The following SNW1 variants were observed in gnomAD, a reference collection of about 807,000 sequenced individuals.
The protein encoded by SNW1 is SNW domain-containing protein 1.
A neutral mutation model predicts 75.6 loss-of-function variants in SNW1; 9 were observed. The ratio of observed to expected loss-of-function variants is 0.12; its 90% CI spans 0.07 to 0.21. The LOEUF (loss-of-function observed/expected upper bound fraction) is 0.21, where lower values mean the gene tolerates loss of function less well. Ranked by LOEUF, SNW1 falls within the 10% of genes least tolerant of loss-of-function variation. SNW1 has a pLI of 1.00. For synonymous variants in SNW1, 200 were observed against 219.1 expected, an observed-to-expected ratio of 0.91 and a Z score of 0.77; for missense variants, 409 against 670.9, an observed-to-expected ratio of 0.61 and a Z score of 4.31.
chr14:77,755,049 G>C lies in SNW1; in HGVS notation c.86C>G (p.Ser29Ter). 1 of 1,612,698 alleles carries C rather than the reference G, an allele frequency of 6.2e-7. No individual in the cohort carries two copies. Among genetic ancestry groups the C allele is most frequent in the Non-Finnish European group, 8.5e-7 (1 of 1,179,732 alleles). Residue 29 changes from serine (S) to a stop codon, truncating the protein, a stop_gained, in exon 2 of 14, where the codon TCA (serine) becomes TGA (stop). Coordinates refer to ENST00000261531, the MANE Select transcript of SNW1 (RefSeq NM_012245.3). LOFTEE classifies it high-confidence loss of function. Reference protein sequence around the residue: ...EAEEKARSQRSRQTSLVSSRR... With the variant: ...EAEEKARSQR Reference sequence around the variant, plus strand: ...GGAGGAGACCAGTGAGGTCTGCCGTGATCTCTGGGATCTTGCCTTTTCTTC... The same window carrying C: ...GGAGGAGACCAGTGAGGTCTGCCGTCATCTCTGGGATCTTGCCTTTTCTTC...
rs2080805972 is a variant in SNW1, at chr14:77,751,370, T to C, written c.279A>G (p.Glu93=). 3.1e-6 allele frequency: 5 copies of C among 1,613,906 alleles called. No individual in the cohort carries two copies. The East Asian group carries it at 1.1e-4, about 36-fold the overall frequency. ...SNALAIQVDS[E]GKIKYDAIAR... is the part of the protein sequence containing the mutation. ...CAATTGCATCATATTTAATTTTTCC[T>C]TCAGAATCCACCTGAATGGCCAGCG... is the stretch of plus-strand genomic sequence containing the variant. The change falls in exon 3 of 14, where the codon GAA becomes GAG. Residue 93 remains glutamate, a synonymous_variant. Coordinates refer to ENST00000261531, the MANE Select transcript of SNW1 (RefSeq NM_012245.3).
At position 77,723,273 on chromosome 14, in the gene SNW1, A is replaced by T. The variant is rs1306002318; in HGVS notation, c.1038T>A (p.Asp346Glu). The change falls in exon 11 of 14, where the codon GAT (aspartate) becomes GAA (glutamate). Residue 346 changes from aspartate to glutamate, a missense_variant. Asp to Glu is a conservative substitution (Grantham distance 45). Transcript: ENST00000261531. ...TTTCATCCCTCTCACGTGCCTCCCC[A>T]TCCTCTGTGTGAACAGTTGAAAAGT... ...AGIKTHVEKE[D>E]GEARERDEIR... 6.2e-7 allele frequency: 1 copy of T among 1,612,774 alleles called. No homozygotes were observed. The highest frequency in any genetic ancestry group is 8.5e-7 in the Non-Finnish European group (1 of 1,179,088).
chr14:77,756,578 A>G (rs752472023), intron 1 of SNW1, among the ~76,000 whole-genome samples: 1 of 152,248 alleles, frequency 6.6e-6, no homozygotes, highest in Non-Finnish European at 1.5e-5. Context: ...GGTATCTACA[A>G]TGAAATTTAA....
intron 3 of SNW1, among the ~76,000 whole-genome samples, chr14:77,741,406 A>G (rs2080717991): frequency 6.6e-6 from 1 of 152,204 alleles, no homozygotes; most frequent in African/African-American, 2.4e-5. Flanking sequence ...TAGGCCGTAC[A>G]GAACTTTCTA....
chr14:77,738,491 G>A (rs1445795058), intron 5 of SNW1, among the ~76,000 whole-genome samples: 2 of 151,188 alleles, frequency 1.3e-5, no homozygotes, highest in African/African-American at 4.9e-5. Flanking sequence ...AAGGCAGGAG[G>A]ATCACCTGAG....
chr14:77,717,621 G>T lies in SNW1; in HGVS notation c.*467C>A. 6.6e-7 allele frequency: 1 copy of T among 1,508,936 alleles called. No individual in the cohort carries two copies. Among genetic ancestry groups the T allele is most frequent in the South Asian group, 1.1e-5 (1 of 87,244 alleles). 93.5% of individuals were successfully genotyped at this position (1,508,936 alleles called of 1,614,324 possible). On this transcript the variant is annotated 3_prime_UTR_variant, in exon 14 of 14. Coordinates refer to ENST00000261531, the MANE Select transcript of SNW1 (RefSeq NM_012245.3). The stretch of plus-strand genomic sequence containing the variant: ...GAATTTTGTCTAAATGTTTTTATTT[G>T]AAACAAATAGTTGCACCAAGCAAGA...
chr14:77,723,009 G>A (rs928529247), intron 11 of SNW1, 172 bp downstream of exon 11: 10 of 586,292 alleles, frequency 1.7e-5, no homozygotes, highest in East Asian at 3.1e-5. Context: ...GACCATGCCC[G>A]GCTAATTTTT....
At chr14:77,739,693 T>G (rs2080701762) in intron 3 of SNW1, among the ~76,000 whole-genome samples, 4 of 152,166 alleles carry the variant, frequency 2.6e-5, no homozygotes, top group Non-Finnish European at 1.5e-5. Flanking sequence ...GCCTGTTATA[T>G]GACTTCTACT....
At position 77,717,921 on chromosome 14, in the gene SNW1, C is replaced by A. The variant is rs938496497; in HGVS notation, c.*167G>T. On this transcript the variant is annotated 3_prime_UTR_variant, in exon 14 of 14. Coordinates refer to ENST00000261531, the MANE Select transcript of SNW1 (RefSeq NM_012245.3). The stretch of plus-strand genomic sequence containing the variant: ...ACTCTTTAAAAAAAACTAAATAATT[C>A]AAAGTAGAATTTTCTATCCCCCCCA... 2 of 617,982 alleles carry A rather than the reference C, an allele frequency of 3.2e-6. No homozygotes were observed. Among genetic ancestry groups the A allele is most frequent in the East Asian group, 2.8e-5 (1 of 36,050 alleles). The allele number at this position is 617,982 out of a possible 1,614,324, so 38.3% of individuals were successfully genotyped here.
At chr14:77,728,937 G>A (rs1346092908) in intron 10 of SNW1, among the ~76,000 whole-genome samples, 1 of 152,144 alleles carries the variant, frequency 6.6e-6, no homozygotes, top group Non-Finnish European at 1.5e-5. Context: ...TCTTGAGAAC[G>A]ATTCTGTTGT....
chr14:77,761,088 A>T (rs755351666), intron 1 of SNW1, 26 bp downstream of exon 1: 1 of 1,614,240 alleles, frequency 6.2e-7, no homozygotes, highest in Admixed American at 1.7e-5. Flanking sequence ...ACCCTTCCGT[A>T]TCGAGGACCC....
At chr14:77,754,859 C>T in intron 2 of SNW1, 108 bp downstream of exon 2, 1 of 989,924 alleles carries the variant, frequency 1.0e-6, no homozygotes, top group East Asian at 2.7e-5. Context: ...GAATTTCTAT[C>T]ACACTGACAT....
At chr14:77,739,144 C>A in intron 3 of SNW1, 83 bp from the exon 4 acceptor site, 1 of 901,726 alleles carries the variant, frequency 1.1e-6, no homozygotes, top group Non-Finnish European at 1.8e-6. Flanking sequence ...GTCAACATGC[C>A]CTCTCAGCAC....
intron 3 of SNW1, among the ~76,000 whole-genome samples, chr14:77,743,747 TG>T (rs1186319866): frequency 6.6e-6 from 1 of 152,060 alleles, no homozygotes; most frequent in Non-Finnish European, 1.5e-5. Flanking sequence ...GTTAAGACAA[TG>T]GGGGTAGGAT....
At chr14:77,724,896 T>C (rs760266277) in intron 10 of SNW1, among the ~76,000 whole-genome samples, 11 of 152,246 alleles carry the variant, frequency 7.2e-5, no homozygotes, top group Non-Finnish European at 1.5e-4. Context: ...ACGTAGTGGC[T>C]CTATTTTCAG....
intron 8 of SNW1, chr14:77,734,153 T>C (rs1012175483): frequency 1.4e-5 from 3 of 207,766 alleles, no homozygotes; most frequent in Non-Finnish European, 3.0e-5. Flanking sequence ...CTAGCAAATC[T>C]ATCCCACAAT....
chr14:77,745,946 C>T (rs1193132870), intron 3 of SNW1, among the ~76,000 whole-genome samples: 2 of 152,104 alleles, frequency 1.3e-5, no homozygotes, highest in East Asian at 1.9e-4. Flanking sequence ...ATCACTTGAG[C>T]TCAGGAGTTC....
At chr14:77,743,990 TTTCTAGTGGCTGCATTACAG>T (rs1009223328) in intron 3 of SNW1, among the ~76,000 whole-genome samples, 16 of 152,080 alleles carry the variant, frequency 1.1e-4, no homozygotes, top group African/African-American at 3.6e-4. Flanking sequence ...TTGGGGTTTG[TTTCTAGTGGCTGCATTACAG>T]ACAAAAGCAA....
At chr14:77,741,248 T>C (rs1486967087) in intron 3 of SNW1, among the ~76,000 whole-genome samples, 1 of 152,088 alleles carries the variant, frequency 6.6e-6, no homozygotes, top group Non-Finnish European at 1.5e-5. Flanking sequence ...GAACAGTGAC[T>C]CACGCCTGTA....
Sources: gnomAD v4.1 joint callset for allele counts (sites outside exome capture counted in the v4.1 genomes callset) on GRCh38, gnomAD v4.1.1 for gene constraint, MANE v1.5 for transcripts, NCBI Gene and HGNC (gene_info 2026-07-23, HGNC 2026-07-21) for gene names.